AMBRA1: variants seen among roughly 807,000 people sequenced by gnomAD.
AMBRA1 encodes activating molecule in BECN1-regulated autophagy protein 1.
In AMBRA1, 47 loss-of-function variants were observed where a neutral mutation model predicts 125.4. The ratio of observed to expected loss-of-function variants is 0.37; its 90% CI spans 0.30 to 0.48. The LOEUF is 0.48. AMBRA1 is among the 20% of genes least tolerant of loss of function. The pLI, the probability that AMBRA1 is intolerant of heterozygous loss-of-function variation, is 0.99. For synonymous variants in AMBRA1, 626 were observed against 655.5 expected (o/e 0.95, Z 0.69); for missense variants, 1,331 against 1,693.4 (o/e 0.79, Z 3.76).
chr11:46,411,984 C>T (rs1223481309), intron 15 of AMBRA1, among the ~76,000 whole-genome samples: 1 of 152,130 alleles, frequency 6.6e-6, no homozygotes, highest in Non-Finnish European at 1.5e-5. Flanking sequence ...ATACTACTTG[C>T]TTCTTTGAAG....
At chr11:46,505,313 A>G (rs528209287) in intron 9 of AMBRA1, among the ~76,000 whole-genome samples, 5 of 152,306 alleles carry the variant, frequency 3.3e-5, no homozygotes, top group Non-Finnish European at 7.3e-5. Context: ...GTGGACACTC[A>G]GAGGACAGGA....
intron 15 of AMBRA1, among the ~76,000 whole-genome samples, chr11:46,415,083 C>G (rs1240096686): frequency 1.3e-5 from 2 of 152,230 alleles, no homozygotes; most frequent in African/African-American, 4.8e-5. Context: ...CTTGGCCCAG[C>G]TGGCTGGCTG....
At chr11:46,399,199 G>A (rs1008636096) in intron 17 of AMBRA1, among the ~76,000 whole-genome samples, 1 of 150,932 alleles carries the variant, frequency 6.6e-6, no homozygotes, top group Admixed American at 6.6e-5. Context: ...CTCAGCCTCC[G>A]AGTAGCTGGG....
At chr11:46,405,888 T>A (rs776957454) in intron 17 of AMBRA1, among the ~76,000 whole-genome samples, 19 of 151,672 alleles carry the variant, frequency 1.3e-4, no homozygotes, top group Non-Finnish European at 2.4e-4. Flanking sequence ...CGTGCCACCA[T>A]GCTCGGCTAA....
At chr11:46,491,682 T>C (rs1422844871) in intron 11 of AMBRA1, among the ~76,000 whole-genome samples, 3 of 152,330 alleles carry the variant, frequency 2.0e-5, no homozygotes, top group Middle Eastern at 3.4e-3. Flanking sequence ...AGTGAGGTTC[T>C]AGGGAGTCTA....
At chr11:46,489,153 T>C (rs567348793) in intron 11 of AMBRA1, among the ~76,000 whole-genome samples, 4 of 152,254 alleles carry the variant, frequency 2.6e-5, no homozygotes, top group South Asian at 4.1e-4. Context: ...GCCATGCTGG[T>C]GTGCTGCACC....
At chr11:46,477,324 T>C (rs2136905181) in intron 11 of AMBRA1, among the ~76,000 whole-genome samples, 1 of 150,728 alleles carries the variant, frequency 6.6e-6, no homozygotes, top group African/African-American at 2.4e-5. Flanking sequence ...GATACTTCTT[T>C]TTTTTTTTTT....
chr11:46,574,629 G>T (rs1383037096), intron 1 of AMBRA1, among the ~76,000 whole-genome samples: 1 of 152,090 alleles, frequency 6.6e-6, no homozygotes, highest in Non-Finnish European at 1.5e-5. Flanking sequence ...GAAATCTTAT[G>T]TGAAAACACC....
intron 9 of AMBRA1, among the ~76,000 whole-genome samples, chr11:46,506,367 AG>A (rs1260250214): frequency 2.0e-5 from 3 of 152,176 alleles, no homozygotes; most frequent in African/African-American, 7.2e-5. Flanking sequence ...CCTCCCACTT[AG>A]TTTTCCTTTT....
intron 17 of AMBRA1, 84 bp downstream of exon 17, chr11:46,408,429 G>A (rs1946129560): frequency 1.5e-6 from 2 of 1,327,978 alleles, no homozygotes; most frequent in Non-Finnish European, 2.0e-6. Context: ...GACATGGGAG[G>A]GGGTATGCAT....
At chr11:46,508,162 G>A in intron 9 of AMBRA1, 29 bp downstream of exon 9, 1 of 1,612,498 alleles carries the variant, frequency 6.2e-7, no homozygotes, top group South Asian at 1.1e-5. Flanking sequence ...GAGAGGAGAG[G>A]GAAGAAAGCA....
intron 7 of AMBRA1, among the ~76,000 whole-genome samples, chr11:46,535,374 A>T (rs1267810697): frequency 6.6e-6 from 1 of 152,210 alleles, no homozygotes; most frequent in Non-Finnish European, 1.5e-5. Context: ...GAAAAAAGGG[A>T]CCTACAAGCA....
intron 1 of AMBRA1, among the ~76,000 whole-genome samples, chr11:46,575,287 A>G (rs971903496): frequency 3.3e-5 from 5 of 151,770 alleles, no homozygotes; most frequent in Non-Finnish European, 7.4e-5. Context: ...GTGTAATCCC[A>G]TCTCTACTAA....
Position 46,448,029 on chromosome 11 carries a change from C to T in AMBRA1, c.2522-4431G>A, listed in dbSNP as rs1048468365. 5.3e-5 allele frequency among the ~76,000 whole-genome samples: 8 copies of T among 152,334 alleles called. No homozygotes were observed. The South Asian group carries it at 1.0e-3, about 20-fold the overall frequency. On this transcript the variant is annotated intron_variant, in intron 11 of 17. Coordinates refer to ENST00000683756, the MANE Select transcript of AMBRA1 (RefSeq NM_001387011.1). ...ACAGTTACACTACTACTTACATCAG[C>T]ATCAACAGACAGCTTATAGAGAGAT...
chr11:46,503,327 A>C (rs1205839355), intron 9 of AMBRA1, among the ~76,000 whole-genome samples: 1 of 152,164 alleles, frequency 6.6e-6, no homozygotes, highest in African/African-American at 2.4e-5. Context: ...AGAGGAAGAG[A>C]GATGGGGGAA....
chr11:46,442,601 T>C (rs1948073959), intron 12 of AMBRA1, among the ~76,000 whole-genome samples: 1 of 152,166 alleles, frequency 6.6e-6, no homozygotes, highest in Non-Finnish European at 1.5e-5. Flanking sequence ...AGGTTTAAAA[T>C]GTTGTGATTC....
intron 15 of AMBRA1, among the ~76,000 whole-genome samples, chr11:46,413,826 C>A (rs1414563312): frequency 6.6e-6 from 1 of 150,824 alleles, no homozygotes; most frequent in Non-Finnish European, 1.5e-5. Flanking sequence ...GTGTCACTGA[C>A]TGTCTGTGAG....
chr11:46,582,020 G>A (rs996921367), intron 1 of AMBRA1, among the ~76,000 whole-genome samples: 1 of 151,280 alleles, frequency 6.6e-6, no homozygotes, highest in African/African-American at 2.4e-5. Flanking sequence ...GGAAGCCGAG[G>A]TGGGAGGATC....
intron 1 of AMBRA1, among the ~76,000 whole-genome samples, chr11:46,587,164 A>G (rs1785751680): frequency 6.6e-6 from 1 of 152,104 alleles, no homozygotes; most frequent in African/African-American, 2.4e-5. Context: ...CAGATCACCT[A>G]AAGTCAGGAG....
Sources: allele counts gnomAD v4.1 joint callset (sites outside exome capture counted in the v4.1 genomes callset), GRCh38; gene constraint gnomAD v4.1.1; transcripts MANE v1.5; gene names NCBI Gene and HGNC (gene_info 2026-07-23, HGNC 2026-07-21).